The following COL4A2 variants were observed in gnomAD, a reference collection of about 807,000 sequenced individuals.
The protein encoded by COL4A2 is collagen alpha-2(IV) chain.
In COL4A2, 99 loss-of-function variants were observed where a neutral mutation model predicts 200.2. The ratio of observed to expected loss-of-function variants is 0.49; its 90% confidence interval spans 0.42 to 0.58. The LOEUF is 0.58. Ranked by LOEUF, COL4A2 falls within the 20% of genes least tolerant of loss-of-function variation. COL4A2 has a pLI of 0.00. For synonymous variants in COL4A2, 897 were observed against 900.6 expected (o/e 1.00, Z 0.07); for missense variants, 1,950 against 2,314.1 (o/e 0.84, Z 3.23).
chr13:110,511,245 A>G (rs968169350), intron 47 of COL4A2, among the ~76,000 whole-genome samples: 53 of 152,136 alleles, frequency 3.5e-4, no homozygotes, highest in African/African-American at 1.3e-3. Context: ...GAAAAAAAAA[A>G]AAAGGCTTCC....
chr13:110,399,625 C>T (rs981801847), intron 4 of COL4A2, among the ~76,000 whole-genome samples: 4 of 152,202 alleles, frequency 2.6e-5, no homozygotes, highest in Non-Finnish European at 4.4e-5. Context: ...CTTGGTGACA[C>T]AATCCAGTTT....
intron 4 of COL4A2, 94 bp from the exon 5 acceptor site, chr13:110,424,640 C>CACAA: frequency 1.4e-6 from 1 of 699,010 alleles, no homozygotes; most frequent in Non-Finnish European, 2.3e-6. Context: ...TCTTTAAAAA[C>CACAA]AAAAAAAAAA....
At chr13:110,469,541 G>C (rs1381064850) in intron 28 of COL4A2, among the ~76,000 whole-genome samples, 1 of 152,158 alleles carries the variant, frequency 6.6e-6, no homozygotes, top group Non-Finnish European at 1.5e-5. Context: ...GATCTTGCAG[G>C]AAAAAGGAGA....
In COL4A2 at chr13:110,307,909, G is replaced by T. The variant is rs200970184; in HGVS notation, c.6G>T (p.Gly2=). The T allele has an allele frequency of 3.1e-6, 5 of 1,612,850 alleles. No homozygotes were observed. In the Admixed American group the frequency reaches 8.3e-5, roughly 27 times the overall value. The change falls in exon 2 of 48, where the codon GGG becomes GGT. Residue 2 remains glycine (G), a synonymous_variant. Transcript: ENST00000360467. The surrounding 1 kb of genome is among the most constrained non-coding windows in gnomAD (Gnocchi z 5.0). ...AGAGTGGACGAACCGCCAGCATGGG[G>T]AGAGACCAGCGCGCGGTGGCCGGCC... M[G]RDQRAVAGPA...
intron 28 of COL4A2, among the ~76,000 whole-genome samples, chr13:110,471,690 A>T (rs1297572762): frequency 6.6e-6 from 1 of 151,848 alleles, no homozygotes; most frequent in African/African-American, 2.4e-5. Flanking sequence ...TATTCCAGTT[A>T]CTCCCAGCTC....
chr13:110,353,752 A>G (rs115863023), intron 3 of COL4A2, among the ~76,000 whole-genome samples: 187 of 152,338 alleles, frequency 1.2e-3, no homozygotes, highest in African/African-American at 4.3e-3. Context: ...GAGGACAGGT[A>G]AGATGTCAGT....
At position 110,473,094 on chromosome 13, in the gene COL4A2, C is replaced by T. The variant is rs1237057850; in HGVS notation, c.2369C>T (p.Pro790Leu). Residue 790 changes from proline to leucine, a missense_variant, in exon 29 of 48, where the codon CCT becomes CTT. This residue lies in a region of COL4A2 where 1,385 missense variants were observed against 1,720.5 expected (regional missense o/e 0.80). Coordinates refer to ENST00000360467, the MANE Select transcript of COL4A2 (RefSeq NM_001846.4). ...GGGCCACGGGGAGATGCTGGTGTGC[C>T]TGGACAGCCTGGGCTTAAAGGCCTT... ...QPGPRGDAGV[P>L]GQPGLKGLPG... 1 of 1,556,766 alleles carries T rather than the reference C, an allele frequency of 6.4e-7. No individual in the cohort carries two copies. The highest frequency in any genetic ancestry group is 1.4e-5 in the African/African-American group (1 of 73,258).
intron 12 of COL4A2, among the ~76,000 whole-genome samples, chr13:110,435,897 C>A (rs1160159777): frequency 6.6e-6 from 1 of 151,664 alleles, no homozygotes; most frequent in Non-Finnish European, 1.5e-5. Flanking sequence ...TATCTCGGTG[C>A]CCATCTTGGC....
At chr13:110,464,527 T>TG (rs1275187026) in intron 24 of COL4A2, among the ~76,000 whole-genome samples, 1 of 152,054 alleles carries the variant, frequency 6.6e-6, no homozygotes, top group Non-Finnish European at 1.5e-5. Flanking sequence ...CCCTCCCCTG[T>TG]GAAAAAAAGC....
chr13:110,484,517 G>A (rs551520543), intron 32 of COL4A2, among the ~76,000 whole-genome samples: 24 of 152,174 alleles, frequency 1.6e-4, no homozygotes, highest in African/African-American at 5.1e-4. Context: ...CGGAGCTGGC[G>A]CCTGCCTCAC....
intron 3 of COL4A2, among the ~76,000 whole-genome samples, chr13:110,340,385 C>G (rs1876397934): frequency 6.6e-6 from 1 of 152,202 alleles, no homozygotes; most frequent in Non-Finnish European, 1.5e-5. Context: ...ACAATTTACT[C>G]TAGCCACAGA....
chr13:110,335,848 C>T (rs1010791319), intron 3 of COL4A2, among the ~76,000 whole-genome samples: 2 of 152,210 alleles, frequency 1.3e-5, no homozygotes, highest in Admixed American at 1.3e-4. Context: ...CCTCACACCA[C>T]GTTTTTGAAA....
chr13:110,472,859 T>C (rs562461327), intron 28 of COL4A2, 70 bp from the exon 29 acceptor site: 534 of 1,471,666 alleles, frequency 3.6e-4, no homozygotes, highest in Non-Finnish European at 4.4e-4. Context: ...TTCCAGCCTC[T>C]TTTTGACTCT....
chr13:110,442,069 C>G (rs7321716), intron 16 of COL4A2, among the ~76,000 whole-genome samples: 136,673 of 137,684 alleles, frequency 0.99, 67,846 homozygotes, highest in Middle Eastern at 1. Context: ...CTGGGAGAGA[C>G]AGTGAGACTC....
At chr13:110,388,741 G>GA (rs1355957285) in intron 4 of COL4A2, among the ~76,000 whole-genome samples, 1 of 152,196 alleles carries the variant, frequency 6.6e-6, no homozygotes, top group African/African-American at 2.4e-5. Context: ...TAGCTTGAGG[G>GA]AAAACTCTGA....
At chr13:110,488,182 C>T (rs1299405826) in intron 34 of COL4A2, among the ~76,000 whole-genome samples, 1 of 152,186 alleles carries the variant, frequency 6.6e-6, no homozygotes. Flanking sequence ...CACGCCACCA[C>T]GCCCAGCTAA....
chr13:110,321,150 C>T (rs2139351303), intron 3 of COL4A2, among the ~76,000 whole-genome samples: 1 of 151,506 alleles, frequency 6.6e-6, no homozygotes, highest in Admixed American at 6.6e-5. Context: ...CATCAGGTCT[C>T]ATATATGTGC....
chr13:110,338,116 T>C (rs1195292346), intron 3 of COL4A2, among the ~76,000 whole-genome samples: 1 of 152,210 alleles, frequency 6.6e-6, no homozygotes, highest in East Asian at 1.9e-4. Flanking sequence ...GATCTTTCCG[T>C]GATCCCTTGT....
intron 4 of COL4A2, among the ~76,000 whole-genome samples, chr13:110,420,161 G>C (rs1880192929): frequency 6.6e-6 from 1 of 152,156 alleles, no homozygotes; most frequent in African/African-American, 2.4e-5. Context: ...GTAAGGGCCT[G>C]GTGGAGTCAG....
Sources: gnomAD v4.1 joint callset for allele counts (sites outside exome capture counted in the v4.1 genomes callset) on GRCh38, gnomAD v4.1.1 for gene constraint, gnomAD v4.1.1 regional missense constraint, Gnocchi (gnomAD v3.1) non-coding constraint, MANE v1.5 for transcripts, NCBI Gene and HGNC (gene_info 2026-07-23, HGNC 2026-07-21) for gene names.